Variants in KCTD20 observed in about 807,000 individuals in gnomAD.
The protein encoded by KCTD20 is potassium channel tetramerization domain containing 20.
In KCTD20, 30 loss-of-function variants were observed where a neutral mutation model predicts 39.6. The ratio of observed to expected loss-of-function variants is 0.76; its 90% CI spans 0.57 to 1.03. The LOEUF (loss-of-function observed/expected upper bound fraction) is 1.03, where lower values mean the gene tolerates loss of function less well. Ranked by LOEUF, KCTD20 falls within the 50% of genes least tolerant of loss-of-function variation. The pLI, the probability that KCTD20 is intolerant of heterozygous loss-of-function variation, is 0.00. For synonymous variants in KCTD20, 162 were observed against 180.6 expected, an observed-to-expected ratio of 0.90 and a Z score of 0.83; for missense variants, 422 against 522.0, an observed-to-expected ratio of 0.81 and a Z score of 1.87.
chr6:36,465,213 T>G (rs1476572376), intron 1 of KCTD20, among the ~76,000 whole-genome samples: 2 of 151,544 alleles, frequency 1.3e-5, no homozygotes, highest in Non-Finnish European at 2.9e-5. Flanking sequence ...GGAGAATTGC[T>G]TGAACCCGGG....
intron 1 of KCTD20, among the ~76,000 whole-genome samples, chr6:36,451,863 T>C (rs2127430090): frequency 6.6e-6 from 1 of 152,334 alleles, no homozygotes; most frequent in African/African-American, 2.4e-5. Context: ...ACCCAGGCAG[T>C]GCAGTAGTGC....
intron 1 of KCTD20, among the ~76,000 whole-genome samples, chr6:36,447,093 T>G (rs1413809290): frequency 1.3e-5 from 2 of 152,204 alleles, no homozygotes; most frequent in Non-Finnish European, 2.9e-5. Context: ...GTCCTAGTTA[T>G]ATTTCATTGG....
At chr6:36,448,577 T>C (rs925254205) in intron 1 of KCTD20, among the ~76,000 whole-genome samples, 1 of 152,206 alleles carries the variant, frequency 6.6e-6, no homozygotes, top group Non-Finnish European at 1.5e-5. Context: ...TCTGGGTGGT[T>C]TGAACAACAG....
At position 36,450,487 on chromosome 6, in the gene KCTD20, C is replaced by CAAAAAAAAA. The variant is rs56825740; in HGVS notation, c.-47+7382_-47+7390dup. ...TGGGTGACAGAGTGAGACTCTGTCT[C>CAAAAAAAAA]AAAAAAAAAAAAAAGAAAGGTTATG... is the stretch of plus-strand genomic sequence containing the variant. On this transcript the variant is annotated intron_variant, in intron 1 of 7. Transcript: ENST00000373731. 7.4e-5 allele frequency among the ~76,000 whole-genome samples: 9 copies of CAAAAAAAAA among 122,448 alleles called. No homozygotes were observed. The Admixed American group carries it at 7.6e-4, about 10-fold the overall frequency. The allele number at this position is 122,448 out of a possible 152,430, so 80.3% of individuals were successfully genotyped here. A position where few individuals can be genotyped will look rare whatever the true frequency, so the allele number is the denominator to read the frequency against.
chr6:36,484,962 C>G (rs1294508775), intron 7 of KCTD20, 138 bp downstream of exon 7: 1 of 596,530 alleles, frequency 1.7e-6, no homozygotes, highest in Non-Finnish European at 3.0e-6. Flanking sequence ...TTGAATGTTC[C>G]TGTTTTTTCC....
intron 1 of KCTD20, among the ~76,000 whole-genome samples, chr6:36,462,746 T>TCTTA (rs1775636369): frequency 6.6e-6 from 1 of 152,226 alleles, no homozygotes; most frequent in Non-Finnish European, 1.5e-5. Flanking sequence ...CAAGACTGTG[T>TCTTA]CTTAGGTAAT....
intron 1 of KCTD20, among the ~76,000 whole-genome samples, chr6:36,443,988 G>A (rs1774957261): frequency 6.6e-6 from 1 of 152,212 alleles, no homozygotes; most frequent in African/African-American, 2.4e-5. Context: ...AAGTGTTGTA[G>A]TAGTGTCTGT....
intron 1 of KCTD20, among the ~76,000 whole-genome samples, chr6:36,464,247 A>G (rs923394632): frequency 1.3e-5 from 2 of 152,224 alleles, no homozygotes; most frequent in African/African-American, 2.4e-5. Context: ...ATGTGAAGGA[A>G]AAGATACACT....
At chr6:36,444,859 T>A (rs1561939140) in intron 1 of KCTD20, among the ~76,000 whole-genome samples, 2 of 152,248 alleles carry the variant, frequency 1.3e-5, no homozygotes, top group Non-Finnish European at 2.9e-5. Flanking sequence ...AATTTGTTCC[T>A]TCCTGTTATG....
Position 36,479,103 on chromosome 6 carries a change from TG to T in KCTD20, c.435-17del. 1 of 1,493,442 alleles carries T rather than the reference TG, an allele frequency of 6.7e-7. No individual in the cohort carries two copies. The highest frequency in any genetic ancestry group is 9.3e-7 in the Non-Finnish European group (1 of 1,071,902). The allele number at this position is 1,493,442 out of a possible 1,614,324, so 92.5% of individuals were successfully genotyped here. ...ATCATGATGGAGAAGATAACATTAT[TG>T]CCTGGATATCTTTCAGGATGTTTGG... On this transcript the variant is annotated splice_polypyrimidine_tract_variant and intron_variant, in intron 3 of 7. Coordinates refer to ENST00000373731, the MANE Select transcript of KCTD20 (RefSeq NM_173562.5).
chr6:36,454,127 C>A (rs1266176345), intron 1 of KCTD20, among the ~76,000 whole-genome samples: 1 of 152,150 alleles, frequency 6.6e-6, no homozygotes, highest in East Asian at 1.9e-4. Flanking sequence ...AGTGTACTTG[C>A]AAAAGAATTA....
At chr6:36,477,479 TTC>T (rs1241585259) in intron 3 of KCTD20, among the ~76,000 whole-genome samples, 4 of 139,158 alleles carry the variant, frequency 2.9e-5, no homozygotes, top group Non-Finnish European at 6.1e-5. Flanking sequence ...TCATTTTCTT[TTC>T]TTTTTTTTTT....
intron 6 of KCTD20, among the ~76,000 whole-genome samples, chr6:36,483,080 T>C (rs566881782): frequency 6.7e-6 from 1 of 149,636 alleles, no homozygotes; most frequent in South Asian, 2.1e-4. Context: ...GATCATGCCA[T>C]TGCACTACAG....
rs1272680650 is a variant in KCTD20 at position 36,473,122 on chromosome 6, G to A, written c.161-1667G>A. Among the ~76,000 whole-genome samples the A allele has an allele frequency of 5.3e-5, 8 of 151,410 alleles. No homozygotes were observed. In the East Asian group the frequency reaches 1.2e-3, roughly 22 times the overall value. On this transcript the variant is annotated intron_variant, in intron 2 of 7. Coordinates refer to ENST00000373731, the MANE Select transcript of KCTD20 (RefSeq NM_173562.5). ...GTCACCCAGGCTGGAGTGCAGTGGC[G>A]CGATCTCGGCTCACTGCAAGCTCTG...
At position 36,478,297 on chromosome 6, in the gene KCTD20, C is replaced by T. The variant is rs541627895; in HGVS notation, c.435-824C>T. Among the ~76,000 whole-genome samples, 5 of 152,238 alleles carry T rather than the reference C, an allele frequency of 3.3e-5. No individual in the cohort carries two copies. The East Asian group carries it at 9.7e-4, about 29-fold the overall frequency. ...TTATCTAACCATTCCACAGCTCATA[C>T]ACAGAAGTGCAGCAGGAGTGGAAGT... On this transcript the variant is annotated intron_variant, in intron 3 of 7. Transcript: ENST00000373731.
Position 36,458,157 on chromosome 6 carries a change from G to C in KCTD20, c.-46-11895G>C, listed in dbSNP as rs574060409. 4.6e-5 allele frequency among the ~76,000 whole-genome samples: 7 copies of C among 152,246 alleles called. No individual in the cohort carries two copies. The South Asian group carries it at 1.5e-3, about 32-fold the overall frequency. On this transcript the variant is annotated intron_variant, in intron 1 of 7. Transcript: ENST00000373731. ...AGTCTCAACCTTCTGGACTCAAGCAGTCCTCCCATCTCAGCCTCCTGAGTA... is the reference window on the plus strand; with the variant it reads ...AGTCTCAACCTTCTGGACTCAAGCACTCCTCCCATCTCAGCCTCCTGAGTA...
chr6:36,470,291 G>A, intron 2 of KCTD20, 34 bp downstream of exon 2: 1 of 1,571,652 alleles, frequency 6.4e-7, no homozygotes, highest in Non-Finnish European at 8.7e-7. Flanking sequence ...AATTTGGGGG[G>A]CTTTCCAATA....
chr6:36,454,561 C>T (rs1475420673), intron 1 of KCTD20, among the ~76,000 whole-genome samples: 4 of 151,994 alleles, frequency 2.6e-5, no homozygotes, highest in African/African-American at 4.8e-5. Context: ...AGGCTTGTCT[C>T]GAACTCCTGA....
In KCTD20 at chr6:36,479,201, C is replaced by G; in HGVS notation, c.515C>G (p.Ala172Gly). The change falls in exon 4 of 8, where the codon GCA (alanine) becomes GGA (glycine). Residue 172 changes from alanine to glycine, a missense_variant. Physicochemically the swap from Ala to Gly is moderately conservative, Grantham distance 60. Transcript: ENST00000373731. ...TATGAGATTGCTGAAGGCATCAGTG[C>G]AACTGTATTTCGCACAGTGCTGGTG... The part of the protein sequence containing the change: ...GEYEIAEGIS[A>G]TVFRTVLDYY... 6.2e-7 allele frequency: 1 copy of G among 1,613,448 alleles called. No individual in the cohort carries two copies. The highest frequency in any genetic ancestry group is 8.5e-7 in the Non-Finnish European group (1 of 1,179,380).
Sources: gnomAD v4.1 joint callset for allele counts (sites outside exome capture counted in the v4.1 genomes callset) on GRCh38, gnomAD v4.1.1 for gene constraint, MANE v1.5 for transcripts, NCBI Gene and HGNC (gene_info 2026-07-23, HGNC 2026-07-21) for gene names.